KYAT1: variants seen among roughly 807,000 people sequenced by gnomAD.
The protein encoded by KYAT1 is kynurenine--oxoglutarate transaminase 1.
In KYAT1, 47 loss-of-function variants were observed where a neutral mutation model predicts 52.4. That is an observed-to-expected ratio of 0.90 (90% confidence interval 0.71 to 1.14). The LOEUF is 1.14. Among genes scored for constraint, KYAT1 ranks in the 50% most tolerant of loss-of-function variants. KYAT1 has a pLI of 0.00. For missense variants in KYAT1, 480 were observed against 557.9 expected (o/e 0.86, Z 1.41); for synonymous variants, 212 against 209.6 (o/e 1.01, Z -0.10).
chr9:128,843,680 C>T (rs1370117715), intron 2 of KYAT1, among the ~76,000 whole-genome samples: 2 of 152,174 alleles, frequency 1.3e-5, no homozygotes, highest in Non-Finnish European at 2.9e-5. Context: ...CCACTACCGG[C>T]CAAGAAATCA....
At position 128,835,852 on chromosome 9, in the gene KYAT1, C is replaced by A; in HGVS notation, c.782G>T (p.Gly261Val). ...CAGGTGCTTCATGATGTGATCTGGA[C>A]CCAGGACCCAGCCCACCTGCAGCAG... The part of the protein sequence containing the change: ...ATGWKVGWVL[G>V]PDHIMKHLRT... The change falls in exon 9 of 13, where the codon GGT (glycine) becomes GTT (valine). Residue 261 changes from glycine (G) to valine (V), a missense_variant. Transcript: ENST00000302586. 1 of 1,614,064 alleles carries A rather than the reference C, an allele frequency of 6.2e-7. No individual in the cohort carries two copies. The highest frequency in any genetic ancestry group is 8.5e-7 in the Non-Finnish European group (1 of 1,179,976).
chr9:128,833,690 G>A lies in KYAT1; in HGVS notation c.1210-47C>T, dbSNP rs146228704. On this transcript the variant is annotated intron_variant, in intron 12 of 12. Coordinates refer to ENST00000302586, the MANE Select transcript of KYAT1 (RefSeq NM_004059.5). The stretch of plus-strand genomic sequence containing the variant: ...CTACACTCTCCCCATGTGCCCAGCC[G>A]GCCTTGGGAAGCTCTGTGAGGTCTT... The A allele has an allele frequency of 2.0e-3, 3,256 of 1,613,638 alleles. 4 individuals carry two copies. The highest frequency in any genetic ancestry group is 2.3e-3 in the Non-Finnish European group (2,691 of 1,179,536).
chr9:128,841,324 G>T (rs1383132013), intron 3 of KYAT1, among the ~76,000 whole-genome samples: 3 of 152,122 alleles, frequency 2.0e-5, no homozygotes, highest in Non-Finnish European at 2.9e-5. Context: ...CCAACATGGT[G>T]AAACCCCGTC....
chr9:128,849,046 C>CAA (rs1833538403), intron 1 of KYAT1, among the ~76,000 whole-genome samples: 1 of 150,714 alleles, frequency 6.6e-6, no homozygotes, highest in South Asian at 2.1e-4. Context: ...ACCTGGGAGG[C>CAA]AAAGGTTGCA....
At chr9:128,875,099 T>C (rs1016602635) in intron 1 of KYAT1, among the ~76,000 whole-genome samples, 6 of 152,138 alleles carry the variant, frequency 3.9e-5, no homozygotes, top group Non-Finnish European at 5.9e-5. Context: ...TAGAACCACT[T>C]TCCTCATTTA....
chr9:128,864,365 CA>C (rs35129459), intron 1 of KYAT1, among the ~76,000 whole-genome samples: 761 of 75,210 alleles, frequency 0.01, 2 homozygotes, highest in African/African-American at 0.035. Context: ...GACTCTGTCT[CA>C]AAAAAAAAAA....
chr9:128,838,265 C>T lies in KYAT1; in HGVS notation c.304G>A (p.Gly102Arg), dbSNP rs201914115. The change falls in exon 4 of 13, where the codon GGG (glycine) becomes AGG (arginine). Residue 102 changes from glycine to arginine, a missense_variant. By Grantham distance (125) the Gly-to-Arg change is moderately radical (BLOSUM62 -2). Transcript: ENST00000302586. ...RNVLVTVGGY[G>R]ALFTAFQALV... is the part of the protein sequence containing the mutation. ...GCCTGGAAGGCTGTGAACAGGGCCC[C>T]ATAGCCACCAACAGTCACCAGCACA... is the stretch of plus-strand genomic sequence containing the variant. 69 of 1,614,114 alleles carry T rather than the reference C, an allele frequency of 4.3e-5. No individual in the cohort carries two copies. The highest frequency in any genetic ancestry group is 5.2e-5 in the Non-Finnish European group (61 of 1,180,048).
In KYAT1 at chr9:128,881,749, CTCAA is replaced by C. The variant is rs1294980801; in HGVS notation, c.-7+144_-7+147del. The C allele has an allele frequency of 4.6e-5, 7 of 152,350 alleles. No individual in the cohort carries two copies. In the South Asian group the frequency reaches 8.3e-4, roughly 18 times the overall value. 9.4% of individuals were successfully genotyped at this position (152,350 alleles called of 1,614,324 possible). Reference sequence around the variant, plus strand: ...ACGCGCAGTTGATTCCCGCGGGCGGCTCAATCATTCTGTGCAGCCACTCCGTTAT... The same window carrying C: ...ACGCGCAGTTGATTCCCGCGGGCGGCTCATTCTGTGCAGCCACTCCGTTAT... On this transcript the variant is annotated intron_variant, in intron 1 of 12. Coordinates refer to ENST00000302586, the MANE Select transcript of KYAT1 (RefSeq NM_004059.5).
chr9:128,865,935 C>T (rs1027690613), intron 1 of KYAT1, among the ~76,000 whole-genome samples: 1 of 152,184 alleles, frequency 6.6e-6, no homozygotes, highest in African/African-American at 2.4e-5. Flanking sequence ...GCTCAATAAA[C>T]CTGCAGAATG....
At chr9:128,873,363 G>GAAA in intron 1 of KYAT1, among the ~76,000 whole-genome samples, 1 of 107,760 alleles carries the variant, frequency 9.3e-6, no homozygotes, top group African/African-American at 3.3e-5. Context: ...TATAGAAAAT[G>GAAA]AAAAAAAAAA....
chr9:128,838,936 T>A (rs574418965), intron 3 of KYAT1, among the ~76,000 whole-genome samples: 3 of 143,450 alleles, frequency 2.1e-5, no homozygotes, highest in East Asian at 2.1e-4. Context: ...CGGGAGAGGC[T>A]TTTATTTATT....
rs776790623 is a variant in KYAT1, at chr9:128,833,242, G to T, written c.*342C>A. The stretch of plus-strand genomic sequence containing the variant: ...GAGGTTATACCTGAGCCTTAGCAGG[G>T]GCCATGCAGAGCTGGGATGTGATCG... On this transcript the variant is annotated 3_prime_UTR_variant, in exon 13 of 13. Coordinates refer to ENST00000302586, the MANE Select transcript of KYAT1 (RefSeq NM_004059.5). 17 of 409,330 alleles carry T rather than the reference G, an allele frequency of 4.2e-5. No homozygotes were observed. The highest frequency in any genetic ancestry group is 6.7e-5 in the Non-Finnish European group (15 of 223,986). 25.4% of individuals were successfully genotyped at this position (409,330 alleles called of 1,614,324 possible). A position where few individuals can be genotyped will look rare whatever the true frequency, so the allele number is the denominator to read the frequency against.
At chr9:128,868,303 T>C (rs1478285319) in intron 1 of KYAT1, among the ~76,000 whole-genome samples, 1 of 149,776 alleles carries the variant, frequency 6.7e-6, no homozygotes, top group Non-Finnish European at 1.5e-5. Flanking sequence ...GCTGGAACTA[T>C]AGGTGATCCA....
At chr9:128,864,741 T>G (rs1835967778) in intron 1 of KYAT1, among the ~76,000 whole-genome samples, 1 of 151,948 alleles carries the variant, frequency 6.6e-6, no homozygotes, top group South Asian at 2.1e-4. Context: ...CCCGAGTAGC[T>G]GGGACTACAG....
chr9:128,859,131 G>C (rs1420588992), intron 1 of KYAT1, among the ~76,000 whole-genome samples: 1 of 152,136 alleles, frequency 6.6e-6, no homozygotes, highest in East Asian at 1.9e-4. Flanking sequence ...GGGAGGCCAA[G>C]GCAGGCGGAT....
At chr9:128,843,092 G>A (rs903190413) in intron 2 of KYAT1, among the ~76,000 whole-genome samples, 2 of 152,098 alleles carry the variant, frequency 1.3e-5, no homozygotes, top group Admixed American at 6.5e-5. Flanking sequence ...ACTTGAACCC[G>A]GGAACCGGAG....
At chr9:128,845,946 G>T (rs1195826295) in intron 1 of KYAT1, among the ~76,000 whole-genome samples, 2 of 152,298 alleles carry the variant, frequency 1.3e-5, no homozygotes, top group African/African-American at 4.8e-5. Context: ...GCAGGAGGGG[G>T]AGTGATGTGT....
chr9:128,867,271 T>C (rs1296309670), intron 1 of KYAT1, among the ~76,000 whole-genome samples: 1 of 152,140 alleles, frequency 6.6e-6, no homozygotes, highest in Non-Finnish European at 1.5e-5. Flanking sequence ...CTTACACCTC[T>C]GGGGCTCAAG....
At chr9:128,845,490 C>G in intron 1 of KYAT1, 79 bp from the exon 2 acceptor site, 2 of 1,366,682 alleles carry the variant, frequency 1.5e-6, no homozygotes, top group Non-Finnish European at 2.1e-6. Flanking sequence ...GGAGGGACAG[C>G]TGCTTTCAGG....
Sources: gnomAD v4.1 joint callset for allele counts (sites outside exome capture counted in the v4.1 genomes callset) on GRCh38, gnomAD v4.1.1 for gene constraint, MANE v1.5 for transcripts, NCBI Gene and HGNC (gene_info 2026-07-23, HGNC 2026-07-21) for gene names.